ABHD12B: variants seen among roughly 807,000 people sequenced by gnomAD.
ABHD12B encodes the protein abhydrolase domain containing 12B.
A neutral mutation model predicts 50.4 loss-of-function variants in ABHD12B; 42 were observed. The observed-to-expected ratio is 0.83, with a 90% confidence interval of 0.65 to 1.08. The LOEUF (loss-of-function observed/expected upper bound fraction) is 1.08, where lower values mean the gene tolerates loss of function less well. ABHD12B is among the 50% of genes least tolerant of loss of function. ABHD12B has a pLI of 0.00. For synonymous variants in ABHD12B, 167 were observed against 160.3 expected (o/e 1.04, Z -0.32); for missense variants, 479 against 447.7 (o/e 1.07, Z -0.63).
chr14:50,875,068 A>G (rs921663188), intron 1 of ABHD12B, among the ~76,000 whole-genome samples: 1 of 152,234 alleles, frequency 6.6e-6, no homozygotes, highest in Admixed American at 6.5e-5. Flanking sequence ...ATTCTATGCC[A>G]TGTTGTTCTT....
intron 9 of ABHD12B, among the ~76,000 whole-genome samples, chr14:50,896,333 G>A (rs910978987): frequency 4.6e-5 from 7 of 151,868 alleles, no homozygotes; most frequent in East Asian, 1.9e-4. Flanking sequence ...AATTTTCACC[G>A]CTCCAACACT....
At chr14:50,883,828 A>T (rs1162434179) in intron 5 of ABHD12B, among the ~76,000 whole-genome samples, 1 of 152,252 alleles carries the variant, frequency 6.6e-6, no homozygotes, top group Non-Finnish European at 1.5e-5. Context: ...TTAAAAAAAT[A>T]AATTTTCATT....
chr14:50,903,944 G>A (rs545914856), intron 11 of ABHD12B, 130 bp from the exon 12 acceptor site: 31 of 736,774 alleles, frequency 4.2e-5, no homozygotes, highest in Non-Finnish European at 7.0e-5. Context: ...GACATGGAGA[G>A]TTTTCTGTCT....
intron 1 of ABHD12B, among the ~76,000 whole-genome samples, chr14:50,874,476 C>G (rs112819615): frequency 1.1e-3 from 165 of 152,012 alleles, no homozygotes; most frequent in Non-Finnish European, 1.8e-3. Flanking sequence ...GGCACATGCC[C>G]GTAGTCCCAG....
At chr14:50,876,154 G>A (rs978552867) in intron 1 of ABHD12B, among the ~76,000 whole-genome samples, 17 of 152,208 alleles carry the variant, frequency 1.1e-4, no homozygotes, top group African/African-American at 3.9e-4. Flanking sequence ...CATGGCAGGG[G>A]TGGTGGGGTG....
intron 9 of ABHD12B, among the ~76,000 whole-genome samples, chr14:50,897,873 G>A (rs1311183198): frequency 5.3e-5 from 8 of 152,148 alleles, no homozygotes; most frequent in African/African-American, 1.7e-4. Context: ...GTTCCTTTCC[G>A]TCCCTCTTTC....
intron 9 of ABHD12B, among the ~76,000 whole-genome samples, chr14:50,894,980 C>T (rs1447471812): frequency 6.7e-6 from 1 of 149,488 alleles, no homozygotes; most frequent in Non-Finnish European, 1.5e-5. Context: ...TAGCCCTCCC[C>T]CACCTGCCCA....
Position 50,890,142 on chromosome 14 carries a change from A to G in ABHD12B, c.780+1239A>G, listed in dbSNP as rs182102918. On this transcript the variant is annotated intron_variant, in intron 9 of 12. Coordinates refer to ENST00000337334, the MANE Select transcript of ABHD12B (RefSeq NM_001206673.2). The stretch of plus-strand genomic sequence containing the variant: ...AACTGAACATTCATTTTAATATAAT[A>G]TAACCATTAATTGCATATCTATCAT... 4.6e-5 allele frequency among the ~76,000 whole-genome samples: 7 copies of G among 152,324 alleles called. No homozygotes were observed. In the East Asian group the frequency reaches 1.3e-3, roughly 29 times the overall value.
Position 50,904,090 on chromosome 14 carries a change from G to C in ABHD12B, c.959G>C (p.Arg320Pro), listed in dbSNP as rs750035539. The C allele has an allele frequency of 3.1e-6, 5 of 1,613,088 alleles. No individual in the cohort carries two copies. The Admixed American group carries it at 5.0e-5, about 16-fold the overall frequency. ...CGCTTGCAGCTCTATGAAATTGCAC[G>C]CAATGCATACAGGAACAAAGAGAGG... Reference protein sequence around the residue: ...EYGKKLYEIARNAYRNKERVK... With the variant: ...EYGKKLYEIAPNAYRNKERVK... Residue 320 changes from arginine to proline, a missense_variant, in exon 12 of 13, where the codon CGC (arginine) becomes CCC (proline). Coordinates refer to ENST00000337334, the MANE Select transcript of ABHD12B (RefSeq NM_001206673.2).
intron 9 of ABHD12B, 106 bp downstream of exon 9, chr14:50,889,009 T>G (rs930580310): frequency 2.3e-6 from 2 of 880,722 alleles, no homozygotes; most frequent in Non-Finnish European, 1.7e-6. Context: ...TTTTCTTAAG[T>G]AGTTTTATAT....
intron 9 of ABHD12B, among the ~76,000 whole-genome samples, chr14:50,900,209 G>C (rs2050247480): frequency 6.6e-6 from 1 of 152,144 alleles, no homozygotes; most frequent in Admixed American, 6.5e-5. Flanking sequence ...CCCACTCCCA[G>C]TCTAGGCAAC....
chr14:50,883,843 A>T (rs1272383959), intron 5 of ABHD12B, among the ~76,000 whole-genome samples: 1 of 152,248 alleles, frequency 6.6e-6, no homozygotes, highest in East Asian at 1.9e-4. Flanking sequence ...TTCATTATTA[A>T]ATTTTCATTC....
intron 5 of ABHD12B, 147 bp downstream of exon 5, chr14:50,881,773 C>A (rs1018745545): frequency 1.1e-6 from 1 of 880,508 alleles, no homozygotes; most frequent in Admixed American, 2.2e-5. Context: ...GCTCAAAGTC[C>A]CACCGGTGGA....
At chr14:50,880,418 T>G (rs2049922641) in intron 3 of ABHD12B, 34 bp from the exon 4 acceptor site, 3 of 1,556,368 alleles carry the variant, frequency 1.9e-6, no homozygotes, top group African/African-American at 1.4e-5. Context: ...GAATTCCTCT[T>G]TCTACATTTG....
chr14:50,881,548 C>T (rs767696604), intron 4 of ABHD12B, 48 bp from the exon 5 acceptor site: 11 of 1,536,314 alleles, frequency 7.2e-6, no homozygotes, highest in African/African-American at 2.9e-5. Flanking sequence ...TTGTTATCAT[C>T]GTTCCTAATT....
At position 50,880,467 on chromosome 14, in the gene ABHD12B, C is replaced by A; in HGVS notation, c.351C>A (p.Ser117Arg). Residue 117 changes from serine (S) to arginine (R), a missense_variant, in exon 4 of 13, where the codon AGC becomes AGA. Physicochemically the swap from Ser to Arg is moderately radical, Grantham distance 110. Transcript: ENST00000337334. ...TGCTCTTCAGGCACACAGTCCCCAG[C>A]TGCCGGGGGGAAGATGCCAAGGGGA... Reference protein sequence around the residue: ...VMLGIWHTVPSCRGEDAKGKD... With the variant: ...VMLGIWHTVPRCRGEDAKGKD... The A allele has an allele frequency of 6.2e-7, 1 of 1,609,282 alleles. No homozygotes were observed.
chr14:50,898,930 C>T (rs1334123305), intron 9 of ABHD12B, among the ~76,000 whole-genome samples: 7 of 152,190 alleles, frequency 4.6e-5, no homozygotes, highest in Non-Finnish European at 7.4e-5. Flanking sequence ...CGGTGGCTGG[C>T]GCCTGTAATC....
chr14:50,887,834 T>C (rs2050063455), intron 8 of ABHD12B, among the ~76,000 whole-genome samples: 1 of 152,226 alleles, frequency 6.6e-6, no homozygotes, highest in African/African-American at 2.4e-5. Context: ...GCCTGAGAAA[T>C]GTACTAGGGT....
intron 10 of ABHD12B, among the ~76,000 whole-genome samples, chr14:50,903,123 A>G (rs1247221832): frequency 6.8e-6 from 1 of 147,440 alleles, no homozygotes; most frequent in Non-Finnish European, 1.5e-5. Context: ...TTTTTTTTTT[A>G]GTATTTCCAA....
Sources: gnomAD v4.1 joint callset for allele counts (sites outside exome capture counted in the v4.1 genomes callset) on GRCh38, gnomAD v4.1.1 for gene constraint, MANE v1.5 for transcripts, NCBI Gene and HGNC (gene_info 2026-07-23, HGNC 2026-07-21) for gene names.